Variants in SLC2A10 observed in about 807,000 individuals in gnomAD.
The protein encoded by SLC2A10 is solute carrier family 2, facilitated glucose transporter member 10.
SLC2A10 carries 25 observed loss-of-function variants against 32.1 expected under a neutral mutation model. The ratio of observed to expected loss-of-function variants is 0.78; its 90% confidence interval spans 0.57 to 1.09. The LOEUF is 1.09. Ranked by LOEUF, SLC2A10 falls within the 50% of genes least tolerant of loss-of-function variation. The pLI is 0.00. For missense variants in SLC2A10, 673 were observed against 686.5 expected (o/e 0.98, Z 0.22); for synonymous variants, 332 against 309.6 (o/e 1.07, Z -0.76).
At chr20:46,709,569 C>T, upstream of SLC2A10, 1 of 839,624 alleles carries the variant, frequency 1.2e-6, no homozygotes, top group East Asian at 3.4e-5. Context: ...CGGGGCCTGG[C>T]TGGCCGACGT....
chr20:46,731,406 C>T lies in SLC2A10; in HGVS notation c.1547+1918C>T, dbSNP rs1463659365. ...GTCTTCAATCTGGGCAGCCATGTGC[C>T]CAGCTAAAAATCGAGGGTTCTGTTA... On this transcript the variant is annotated intron_variant, in intron 4 of 4. Transcript: ENST00000359271. Among the ~76,000 whole-genome samples, 5 of 152,184 alleles carry T rather than the reference C, an allele frequency of 3.3e-5. No homozygotes were observed. In the East Asian group the frequency reaches 5.8e-4, roughly 18 times the overall value.
chr20:46,725,220 TC>T lies in SLC2A10; in HGVS notation c.187del (p.Leu63TrpfsTer28). On this transcript the variant is annotated frameshift_variant, in exon 2 of 5. Coordinates refer to ENST00000359271, the MANE Select transcript of SLC2A10 (RefSeq NM_030777.4). LOFTEE classifies it high-confidence loss of function. ...CCTGCTCCTGGGGGCTCTCCTCGCC[TC>T]CCTGGTTGGTGGCTTCCTCATTGAC... The part of the protein sequence containing the change: ...GSLLLGALLA[S>X]LVGGFLIDCY... 6.2e-7 allele frequency: 1 copy of T among 1,614,134 alleles called. No individual in the cohort carries two copies.
chr20:46,724,818 T>C (rs992151314), intron 1 of SLC2A10, among the ~76,000 whole-genome samples: 12 of 145,190 alleles, frequency 8.3e-5, no homozygotes, highest in Non-Finnish European at 1.5e-5. Context: ...GATGGATGGA[T>C]GGATGGATGG....
intron 1 of SLC2A10, among the ~76,000 whole-genome samples, chr20:46,718,897 T>A (rs1979400120): frequency 6.6e-6 from 1 of 152,196 alleles, no homozygotes; most frequent in African/African-American, 2.4e-5. Context: ...TGCCTCAGCC[T>A]CCTGATTAGC....
intron 2 of SLC2A10, 122 bp downstream of exon 2, chr20:46,726,446 A>G (rs1568986915): frequency 1.4e-6 from 2 of 1,451,452 alleles, no homozygotes; most frequent in South Asian, 1.2e-5. Context: ...TGGGTTGACC[A>G]TGAAGCCTCA....
At chr20:46,718,688 A>C (rs1371859399) in intron 1 of SLC2A10, among the ~76,000 whole-genome samples, 1 of 151,940 alleles carries the variant, frequency 6.6e-6, no homozygotes, top group Non-Finnish European at 1.5e-5. Flanking sequence ...CAAGATTTTT[A>C]ATCTTTATTT....
Position 46,726,198 on chromosome 20 carries a change from C to G in SLC2A10, c.1162C>G (p.Arg388Gly), listed in dbSNP as rs374891798. ...PRSGDPSAPP[R>G]LALSSALPGP... ...ATCTGGAGACCCCTCAGCCCCTCCT[C>G]GGCTGGCCCTGAGCTCTGCCCTCCC... is the stretch of plus-strand genomic sequence containing the variant. Residue 388 changes from arginine to glycine, a missense_variant, in exon 2 of 5, where the codon CGG (arginine) becomes GGG (glycine). By Grantham distance (125) the Arg-to-Gly change is moderately radical. Transcript: ENST00000359271. 7 of 1,614,080 alleles carry G rather than the reference C, an allele frequency of 4.3e-6. No individual in the cohort carries two copies. The highest frequency in any genetic ancestry group is 5.1e-6 in the Non-Finnish European group (6 of 1,180,056).
At chr20:46,722,306 C>T (rs964958901) in intron 1 of SLC2A10, among the ~76,000 whole-genome samples, 1 of 152,142 alleles carries the variant, frequency 6.6e-6, no homozygotes, top group Non-Finnish European at 1.5e-5. Context: ...AAGAGGCTGA[C>T]AAATCCAGTC....
intron 1 of SLC2A10, among the ~76,000 whole-genome samples, chr20:46,717,543 G>A (rs1413677691): frequency 2.0e-5 from 3 of 151,934 alleles, no homozygotes; most frequent in Non-Finnish European, 2.9e-5. Flanking sequence ...CCACCACCAC[G>A]CCAGGCTAAT....
At chr20:46,715,107 A>G (rs554600172) in intron 1 of SLC2A10, among the ~76,000 whole-genome samples, 1 of 152,198 alleles carries the variant, frequency 6.6e-6, no homozygotes, top group Non-Finnish European at 1.5e-5. Flanking sequence ...CACATCTGTA[A>G]GATGGAATAA....
chr20:46,724,901 G>GATGGATGGATGT, intron 1 of SLC2A10, 140 bp from the exon 2 acceptor site: 1 of 1,051,162 alleles, frequency 9.5e-7, no homozygotes, highest in African/African-American at 1.6e-5. Flanking sequence ...TGGATGGATG[G>GATGGATGGATGT]ATGGTTTGAA....
Position 46,733,998 on chromosome 20 carries a change from G to T in SLC2A10, c.*164G>T, listed in dbSNP as rs1433410400. On this transcript the variant is annotated 3_prime_UTR_variant, in exon 5 of 5. Coordinates refer to ENST00000359271, the MANE Select transcript of SLC2A10 (RefSeq NM_030777.4). ...TGGGGTAAAAAGGATGAAAGTCTGA[G>T]AATGCCCAACTCTTCATTTTGAGTC... 1.4e-6 allele frequency: 1 copy of T among 701,072 alleles called. No homozygotes were observed. The highest frequency in any genetic ancestry group is 2.6e-6 in the Non-Finnish European group (1 of 391,402). The allele number at this position is 701,072 out of a possible 1,614,324, so 43.4% of individuals were successfully genotyped here.
chr20:46,733,836 G>A lies in SLC2A10; in HGVS notation c.*2G>A, dbSNP rs1316499653. 6.2e-7 allele frequency: 1 copy of A among 1,614,076 alleles called. No homozygotes were observed. On this transcript the variant is annotated 3_prime_UTR_variant, in exon 5 of 5. Coordinates refer to ENST00000359271, the MANE Select transcript of SLC2A10 (RefSeq NM_030777.4). The stretch of plus-strand genomic sequence containing the variant: ...ATCGAGATCTCTGCGGCCTCCTGAG[G>A]AATCCGTCTGCCTGGAAATTCTGGA...
chr20:46,713,812 G>C (rs984969469), intron 1 of SLC2A10, among the ~76,000 whole-genome samples: 3 of 152,300 alleles, frequency 2.0e-5, no homozygotes, highest in East Asian at 3.9e-4. Flanking sequence ...GGGTGTCAGG[G>C]CAGGGCTGGG....
intron 1 of SLC2A10, among the ~76,000 whole-genome samples, chr20:46,720,539 T>C (rs148807321): frequency 6.6e-6 from 1 of 152,300 alleles, no homozygotes; most frequent in East Asian, 1.9e-4. Flanking sequence ...TGGATATAAA[T>C]TAAACTAATC....
intron 3 of SLC2A10, among the ~76,000 whole-genome samples, chr20:46,728,618 T>TA: frequency 6.7e-6 from 1 of 148,546 alleles, no homozygotes; most frequent in Non-Finnish European, 1.5e-5. Flanking sequence ...TTTTTTTTTT[T>TA]TTTTTTTTTT....
At chr20:46,729,664 T>C (rs1347747548) in intron 4 of SLC2A10, among the ~76,000 whole-genome samples, 176 bp downstream of exon 4, 28 of 117,332 alleles carry the variant, frequency 2.4e-4, no homozygotes, top group East Asian at 1.8e-3. Flanking sequence ...TTTTTTGAGA[T>C]GGAGTCTCGC....
chr20:46,728,781 C>A (rs1323021665), intron 3 of SLC2A10, among the ~76,000 whole-genome samples: 1 of 151,678 alleles, frequency 6.6e-6, no homozygotes, highest in Non-Finnish European at 1.5e-5. Context: ...CCATGCCCAG[C>A]TAATTTTTTT....
chr20:46,710,621 G>C (rs1244248757), intron 1 of SLC2A10, among the ~76,000 whole-genome samples: 2 of 152,178 alleles, frequency 1.3e-5, no homozygotes, highest in African/African-American at 2.4e-5. Flanking sequence ...CCTCAGAAGC[G>C]GGTCTTGCTG....
Sources: gnomAD v4.1 joint callset for allele counts (sites outside exome capture counted in the v4.1 genomes callset) on GRCh38, gnomAD v4.1.1 for gene constraint, MANE v1.5 for transcripts, NCBI Gene and HGNC (gene_info 2026-07-23, HGNC 2026-07-21) for gene names.